The following ST8SIA1 variants were observed in gnomAD, a reference collection of about 807,000 sequenced individuals.
The protein encoded by ST8SIA1 is alpha-N-acetylneuraminide alpha-2,8-sialyltransferase.
In ST8SIA1, 16 loss-of-function variants were observed where a neutral mutation model predicts 35.9. The ratio of observed to expected loss-of-function variants is 0.45; its 90% CI spans 0.30 to 0.68. ST8SIA1 has a LOEUF of 0.68. ST8SIA1 is among the 30% of genes least tolerant of loss of function. The probability of loss-of-function intolerance (pLI) is 0.09; values close to 1 mark genes in which losing one functional copy is unlikely to be tolerated. For synonymous variants in ST8SIA1, 170 were observed against 169.6 expected (o/e 1.00, Z -0.02); for missense variants, 383 against 453.6 (o/e 0.84, Z 1.41).
rs569058160 is a variant in ST8SIA1 at position 22,302,755 on chromosome 12, C to T, written c.237-15462G>A. 9.9e-5 allele frequency among the ~76,000 whole-genome samples: 15 copies of T among 152,236 alleles called. No individual in the cohort carries two copies. In the East Asian group the frequency reaches 1.5e-3, roughly 16 times the overall value. On this transcript the variant is annotated intron_variant, in intron 1 of 4. Coordinates refer to ENST00000396037, the MANE Select transcript of ST8SIA1 (RefSeq NM_003034.4). ...GAACTGCTTAGGGCAAAGCTGCCTC[C>T]CATTCTATTCAAAGTCATCCCTCCC... is the stretch of plus-strand genomic sequence containing the variant.
chr12:22,249,219 TG>T (rs376911312), intron 3 of ST8SIA1, 121 bp from the exon 4 acceptor site: 7,684 of 632,066 alleles, frequency 0.012, 57 homozygotes, highest in Non-Finnish European at 0.015. Context: ...TTTTGTTTTT[TG>T]TTTTTTTTTT....
chr12:22,331,149 G>A lies in ST8SIA1; in HGVS notation c.236+2848C>T, dbSNP rs1176213740. On this transcript the variant is annotated intron_variant, in intron 1 of 4. Transcript: ENST00000396037. ...TACAAAAGTAAATGGAAGCACAGAG[G>A]GCAAAATAAAATCTTAAATTTTGGT... Among the ~76,000 whole-genome samples the A allele has an allele frequency of 7.2e-5, 11 of 152,052 alleles. No homozygotes were observed. In the East Asian group the frequency reaches 2.1e-3, roughly 29 times the overall value.
chr12:22,260,637 A>G lies in ST8SIA1; in HGVS notation c.382-5248T>C, dbSNP rs144647111. 1.8e-3 allele frequency among the ~76,000 whole-genome samples: 267 copies of G among 152,312 alleles called. 1 individual carries two copies. Among genetic ancestry groups the G allele is most frequent in the African/African-American group, 6.2e-3 (259 of 41,566 alleles). On this transcript the variant is annotated intron_variant, in intron 2 of 4. Transcript: ENST00000396037. ...CTCAGTGCCTCACTGGAAACAAGGC[A>G]TGATAAAAAACCATTTGTTCCATCT...
At chr12:22,232,003 C>G (rs1249961388) in intron 4 of ST8SIA1, among the ~76,000 whole-genome samples, 2 of 152,142 alleles carry the variant, frequency 1.3e-5, no homozygotes, top group Non-Finnish European at 2.9e-5. Context: ...TAGGGTTATT[C>G]TCATAGGAAC....
intron 4 of ST8SIA1, among the ~76,000 whole-genome samples, chr12:22,229,131 T>TA (rs1395871046): frequency 1.3e-5 from 2 of 150,366 alleles, no homozygotes; most frequent in East Asian, 2.0e-4. Context: ...ATCTATACTG[T>TA]AAAAAAACAG....
intron 1 of ST8SIA1, among the ~76,000 whole-genome samples, chr12:22,327,200 T>C (rs1278219103): frequency 6.6e-6 from 1 of 152,182 alleles, no homozygotes; most frequent in African/African-American, 2.4e-5. Context: ...ATAAAACATG[T>C]TCTATTCTCC....
At chr12:22,202,064 A>C (rs756840272) in intron 4 of ST8SIA1, 26 bp from the exon 5 acceptor site, 1 of 1,535,840 alleles carries the variant, frequency 6.5e-7, no homozygotes, top group South Asian at 1.3e-5. Flanking sequence ...AAAACTGTTC[A>C]ATTAAACCTA....
At chr12:22,216,416 C>T (rs1360307858) in intron 4 of ST8SIA1, among the ~76,000 whole-genome samples, 1 of 152,180 alleles carries the variant, frequency 6.6e-6, no homozygotes, top group African/African-American at 2.4e-5. Flanking sequence ...AAGGGTCATG[C>T]TCGCTGAAGC....
chr12:22,210,198 T>C (rs1263404128), intron 4 of ST8SIA1, among the ~76,000 whole-genome samples: 1 of 152,198 alleles, frequency 6.6e-6, no homozygotes, highest in African/African-American at 2.4e-5. Flanking sequence ...GCAGTTTGTA[T>C]AGTGGATTAT....
chr12:22,199,125 A>C lies in ST8SIA1; in HGVS notation c.*2427T>G, dbSNP rs1865022353. On this transcript the variant is annotated 3_prime_UTR_variant, in exon 5 of 5. Coordinates refer to ENST00000396037, the MANE Select transcript of ST8SIA1 (RefSeq NM_003034.4). ...TCCCAGGCATCATAAAAAGATGAAA[A>C]ATTTCCACATAATATTTTCTTTCTT... 6.6e-6 allele frequency: 1 copy of C among 151,508 alleles called. No individual in the cohort carries two copies. Among genetic ancestry groups the C allele is most frequent in the Non-Finnish European group, 1.5e-5 (1 of 67,980 alleles). The allele number at this position is 151,508 out of a possible 1,614,324, so 9.4% of individuals were successfully genotyped here.
intron 2 of ST8SIA1, among the ~76,000 whole-genome samples, chr12:22,285,689 C>T (rs999184430): frequency 2.0e-5 from 3 of 151,804 alleles, no homozygotes; most frequent in African/African-American, 4.8e-5. Context: ...CTGGCCAGCA[C>T]GGTGAAACAT....
intron 1 of ST8SIA1, chr12:22,325,785 TATAAC>T: frequency 1.5e-6 from 1 of 679,492 alleles, no homozygotes; most frequent in East Asian, 2.7e-5. Context: ...ATAGAACAAT[TATAAC>T]AATATACCTG....
intron 4 of ST8SIA1, among the ~76,000 whole-genome samples, chr12:22,221,452 TC>T (rs1420104929): frequency 6.6e-6 from 1 of 152,198 alleles, no homozygotes; most frequent in African/African-American, 2.4e-5. Context: ...CCATTATTTA[TC>T]TGCCACAATG....
At chr12:22,227,949 T>C (rs879471416) in intron 4 of ST8SIA1, among the ~76,000 whole-genome samples, 1 of 152,204 alleles carries the variant, frequency 6.6e-6, no homozygotes, top group Non-Finnish European at 1.5e-5. Context: ...ATTCTTCCTT[T>C]AGTGATAGAG....
intron 4 of ST8SIA1, among the ~76,000 whole-genome samples, chr12:22,221,985 T>TA (rs911761874): frequency 1.4e-4 from 21 of 152,142 alleles, no homozygotes; most frequent in African/African-American, 4.6e-4. Flanking sequence ...AAAAGAAAGT[T>TA]AAAAAAACTG....
chr12:22,250,746 C>G (rs1268343981), intron 3 of ST8SIA1: 2 of 152,220 alleles, frequency 1.3e-5, no homozygotes, highest in Non-Finnish European at 2.9e-5. Flanking sequence ...AGTATCAACA[C>G]ATCAAGGCAT....
intron 1 of ST8SIA1, among the ~76,000 whole-genome samples, chr12:22,302,113 A>C (rs1230749261): frequency 6.6e-6 from 1 of 152,188 alleles, no homozygotes; most frequent in East Asian, 1.9e-4. Context: ...ACTATAGTAC[A>C]TCTGATGTTA....
intron 3 of ST8SIA1, among the ~76,000 whole-genome samples, chr12:22,252,064 A>T (rs912209694): frequency 1.3e-5 from 2 of 152,214 alleles, no homozygotes; most frequent in Admixed American, 6.5e-5. Context: ...ATTATTTTTT[A>T]AAGTACTGCT....
intron 4 of ST8SIA1, among the ~76,000 whole-genome samples, chr12:22,206,750 C>A (rs1248578327): frequency 1.3e-5 from 2 of 152,164 alleles, no homozygotes; most frequent in African/African-American, 2.4e-5. Flanking sequence ...AGTCACCAAA[C>A]AAGAACACAC....
Sources: allele counts gnomAD v4.1 joint callset (sites outside exome capture counted in the v4.1 genomes callset), GRCh38; gene constraint gnomAD v4.1.1; transcripts MANE v1.5; gene names NCBI Gene and HGNC (gene_info 2026-07-23, HGNC 2026-07-21).